PCNX2: variants seen among roughly 807,000 people sequenced by gnomAD.
PCNX2 encodes pecanex 2.
Under a neutral mutation model 223.8 loss-of-function variants are expected in PCNX2, and 168 were observed. That is an observed-to-expected ratio of 0.75 (90% CI 0.66 to 0.85). The LOEUF (loss-of-function observed/expected upper bound fraction) is 0.85, where lower values mean the gene tolerates loss of function less well. PCNX2 is among the 40% of genes least tolerant of loss of function. The pLI is 0.00. For synonymous variants in PCNX2, 1,006 were observed against 1,052.6 expected (o/e 0.96, Z 0.86); for missense variants, 2,507 against 2,675.5 (o/e 0.94, Z 1.39).
the PCNX2 span, among the ~76,000 whole-genome samples, chr1:233,321,065 GC>G: frequency 7.2e-6 from 1 of 139,190 alleles, no homozygotes; most frequent in South Asian, 2.3e-4. Context: ...CTGTCGCCAG[GC>G]TGGATGCAGT....
chr1:233,222,096 G>A (rs2102936977), intron 10 of PCNX2, among the ~76,000 whole-genome samples: 1 of 152,326 alleles, frequency 6.6e-6, no homozygotes, highest in South Asian at 2.1e-4. Flanking sequence ...GAGAGAAAAG[G>A]TGAGGGAGTT....
intron 26 of PCNX2, among the ~76,000 whole-genome samples, chr1:233,022,086 T>C (rs1670907109): frequency 6.6e-6 from 1 of 152,040 alleles, no homozygotes; most frequent in Non-Finnish European, 1.5e-5. Flanking sequence ...GCTGGCCCCA[T>C]GGTGACGAGT....
At chr1:233,214,834 G>C (rs1288396245) in intron 12 of PCNX2, among the ~76,000 whole-genome samples, 1 of 152,042 alleles carries the variant, frequency 6.6e-6, no homozygotes, top group Non-Finnish European at 1.5e-5. Context: ...TATCATACCT[G>C]TTGCCATGCT....
chr1:233,146,427 C>T (rs866980758), intron 19 of PCNX2, among the ~76,000 whole-genome samples: 4 of 152,118 alleles, frequency 2.6e-5, no homozygotes, highest in African/African-American at 4.8e-5. Context: ...AAGTAACTAG[C>T]GTATTAAACA....
intron 1 of PCNX2, among the ~76,000 whole-genome samples, chr1:233,264,088 A>T (rs374091282): frequency 1.2e-4 from 19 of 152,150 alleles, no homozygotes; most frequent in African/African-American, 4.6e-4. Context: ...GTTCAGCTCA[A>T]TTCTATGCAA....
intron 12 of PCNX2, among the ~76,000 whole-genome samples, chr1:233,210,926 C>G (rs1410648802): frequency 2.0e-5 from 3 of 152,172 alleles, no homozygotes; most frequent in Admixed American, 1.3e-4. Context: ...TCTCATCACC[C>G]AAATGCTAGT....
intron 12 of PCNX2, chr1:233,211,817 T>C: frequency 2.0e-6 from 2 of 985,270 alleles, no homozygotes; most frequent in Non-Finnish European, 2.4e-6. Context: ...ACATTACTCA[T>C]GTGAAGCAAA....
chr1:233,263,859 A>G (rs1660189852), intron 1 of PCNX2, among the ~76,000 whole-genome samples: 1 of 152,198 alleles, frequency 6.6e-6, no homozygotes, highest in African/African-American at 2.4e-5. Flanking sequence ...ACAAAACACA[A>G]AAAGCCTTGT....
rs575595760 is a variant in PCNX2, at chr1:233,020,017, A to C, written c.4606-2863T>G. ...GTCTAGTTTTTCTGCAACATGGCCT[A>C]ATCACATACCAGATAGGAATAACAA... On this transcript the variant is annotated intron_variant, in intron 26 of 33. Coordinates refer to ENST00000258229, the MANE Select transcript of PCNX2 (RefSeq NM_014801.4). 8.5e-5 allele frequency among the ~76,000 whole-genome samples: 13 copies of C among 152,310 alleles called. No homozygotes were observed. The East Asian group carries it at 1.4e-3, about 16-fold the overall frequency.
the PCNX2 span, among the ~76,000 whole-genome samples, chr1:233,310,261 C>A: frequency 6.6e-6 from 1 of 151,956 alleles, no homozygotes; most frequent in East Asian, 1.9e-4. Context: ...TGCTCAAAAC[C>A]TGTTGGTTCA....
At chr1:233,282,065 G>A (rs548843081) in intron 1 of PCNX2, among the ~76,000 whole-genome samples, 1 of 152,202 alleles carries the variant, frequency 6.6e-6, no homozygotes, top group African/African-American at 2.4e-5. Context: ...CAGCAGTCTG[G>A]CTTCTGCTCC....
At chr1:233,256,249 CAAAAAT>C (rs1659727411) in intron 5 of PCNX2, among the ~76,000 whole-genome samples, 1 of 152,086 alleles carries the variant, frequency 6.6e-6, no homozygotes, top group African/African-American at 2.4e-5. Context: ...GAGGGGAAAA[CAAAAAT>C]AAAAGACTAA....
intron 23 of PCNX2, among the ~76,000 whole-genome samples, chr1:233,069,805 C>G (rs1409822445): frequency 6.6e-6 from 1 of 151,932 alleles, no homozygotes; most frequent in Admixed American, 6.6e-5. Context: ...AATTCATAGT[C>G]TATGGTCCCA....
At chr1:232,996,423 AT>A (rs1380207266) in intron 32 of PCNX2, among the ~76,000 whole-genome samples, 1 of 149,490 alleles carries the variant, frequency 6.7e-6, no homozygotes. Context: ...GTGATAAGAA[AT>A]GTTAACTAAA....
intron 17 of PCNX2, among the ~76,000 whole-genome samples, chr1:233,165,306 T>A (rs1274408908): frequency 1.3e-5 from 2 of 152,208 alleles, no homozygotes; most frequent in Non-Finnish European, 2.9e-5. Context: ...AGTGAATATA[T>A]GCCTCCTAGG....
chr1:233,199,795 T>TACACACACAC (rs60556502), intron 14 of PCNX2, among the ~76,000 whole-genome samples: 3 of 147,868 alleles, frequency 2.0e-5, no homozygotes, highest in Non-Finnish European at 3.0e-5. Context: ...TGTGCTCAAA[T>TACACACACAC]ACACACACAC....
chr1:233,019,224 G>T, intron 26 of PCNX2: 1 of 984,456 alleles, frequency 1.0e-6, no homozygotes, highest in Non-Finnish European at 1.2e-6. Flanking sequence ...GTGGTTCATG[G>T]CTGATGCTCT....
chr1:233,196,441 G>GA (rs559862341), intron 15 of PCNX2, among the ~76,000 whole-genome samples: 133 of 147,776 alleles, frequency 9.0e-4, no homozygotes, highest in Admixed American at 2.4e-3. Context: ...GCCACAGCCT[G>GA]AAAAAAAAAA....
intron 23 of PCNX2, among the ~76,000 whole-genome samples, chr1:233,060,935 T>C (rs369632337): frequency 1.1e-3 from 174 of 152,344 alleles, no homozygotes; most frequent in African/African-American, 4.0e-3. Flanking sequence ...AGCTGGCTTC[T>C]TCCCTTCAAA....
Sources: gnomAD v4.1 joint callset for allele counts (sites outside exome capture counted in the v4.1 genomes callset) on GRCh38, gnomAD v4.1.1 for gene constraint, MANE v1.5 for transcripts, NCBI Gene and HGNC (gene_info 2026-07-23, HGNC 2026-07-21) for gene names.